Variants in PCDH15 observed in about 807,000 individuals in gnomAD.
PCDH15 encodes protocadherin-15.
A neutral mutation model predicts 178.5 loss-of-function variants in PCDH15; 129 were observed. The observed-to-expected ratio is 0.72, with a 90% CI of 0.63 to 0.84. The LOEUF is 0.84. Ranked by LOEUF, PCDH15 falls within the 40% of genes least tolerant of loss-of-function variation. PCDH15 has a pLI of 0.00. For missense variants in PCDH15, 2,230 were observed against 2,099.9 expected (o/e 1.06, Z -1.21); for synonymous variants, 800 against 732.0 (o/e 1.09, Z -1.50).
chr10:55,465,953 C>G lies in PCDH15; in HGVS notation c.-156+161672G>C, dbSNP rs79138677. Among the ~76,000 whole-genome samples the G allele has an allele frequency of 7.4e-3, 1,128 of 152,192 alleles. 17 individuals are homozygous for G. Among genetic ancestry groups the G allele is most frequent in the African/African-American group, 0.026 (1,075 of 41,522 alleles). On this transcript the variant is annotated intron_variant, in intron 2 of 5. Coordinates refer to the PCDH15 transcript ENST00000613346. The stretch of plus-strand genomic sequence containing the variant: ...TTTTCTGAGGGGAAAAAACTTGTCA[C>G]TGCTTTTACGATATCAGCGTCACTG...
intron 33 of PCDH15, among the ~76,000 whole-genome samples, chr10:53,819,798 A>G (rs937743488): frequency 6.6e-6 from 1 of 152,002 alleles, no homozygotes; most frequent in African/African-American, 2.4e-5. Context: ...AAGGTCTCAT[A>G]TAGAAGATAT....
intron 14 of PCDH15, among the ~76,000 whole-genome samples, chr10:54,136,739 C>G (rs908305975): frequency 6.6e-6 from 1 of 152,136 alleles, no homozygotes; most frequent in Non-Finnish European, 1.5e-5. Context: ...ACAAAGAGGA[C>G]TCTAGTCTCA....
At chr10:54,820,481 G>T (rs1180560024) in intron 3 of PCDH15, among the ~76,000 whole-genome samples, 2 of 152,004 alleles carry the variant, frequency 1.3e-5, no homozygotes, top group Non-Finnish European at 2.9e-5. Context: ...GTTGATCAAA[G>T]TTGGCCCTGC....
chr10:54,832,444 C>T (rs1309728724), intron 3 of PCDH15, among the ~76,000 whole-genome samples: 1 of 152,140 alleles, frequency 6.6e-6, no homozygotes, highest in Non-Finnish European at 1.5e-5. Flanking sequence ...AATGAAAACA[C>T]TAGATGTAGT....
intron 8 of PCDH15, among the ~76,000 whole-genome samples, chr10:54,245,776 A>G (rs907534220): frequency 6.6e-6 from 1 of 152,044 alleles, no homozygotes; most frequent in Non-Finnish European, 1.5e-5. Flanking sequence ...TAGGTTTGAC[A>G]ATATGTATAG....
intron 25 of PCDH15, among the ~76,000 whole-genome samples, chr10:53,926,155 A>G (rs912412428): frequency 2.0e-5 from 3 of 152,114 alleles, no homozygotes; most frequent in Non-Finnish European, 4.4e-5. Context: ...CACTGGCCCA[A>G]TCCTAGTTCT....
At chr10:54,582,210 T>C (rs1444347667) in intron 2 of PCDH15, among the ~76,000 whole-genome samples, 1 of 152,206 alleles carries the variant, frequency 6.6e-6, no homozygotes, top group East Asian at 1.9e-4. Context: ...ACCCAGAATC[T>C]ATAAAAAACT....
chr10:54,969,635 G>T (rs1838882395), intron 2 of PCDH15, among the ~76,000 whole-genome samples: 1 of 152,102 alleles, frequency 6.6e-6, no homozygotes, highest in South Asian at 2.1e-4. Context: ...AGCTGCCTTA[G>T]ACTTACCAGT....
intron 1 of PCDH15, among the ~76,000 whole-genome samples, chr10:55,251,495 CATAAGT>C (rs1324587962): frequency 6.6e-6 from 1 of 152,054 alleles, no homozygotes; most frequent in Admixed American, 6.6e-5. Flanking sequence ...ATTCATTCAG[CATAAGT>C]ATGTGTGTCA....
intron 2 of PCDH15, among the ~76,000 whole-genome samples, chr10:55,052,368 G>T (rs1236535830): frequency 2.6e-5 from 4 of 151,402 alleles, no homozygotes; most frequent in South Asian, 2.1e-4. Flanking sequence ...TATTACAGGC[G>T]TGAGCCACCG....
intron 2 of PCDH15, among the ~76,000 whole-genome samples, chr10:54,946,483 G>A (rs776282889): frequency 6.6e-6 from 1 of 151,440 alleles, no homozygotes; most frequent in African/African-American, 2.4e-5. Flanking sequence ...ACACCCTAAC[G>A]TTTTATTTTT....
At chr10:55,410,843 C>T (rs937834578) in intron 2 of PCDH15, among the ~76,000 whole-genome samples, 2 of 151,992 alleles carry the variant, frequency 1.3e-5, no homozygotes, top group Non-Finnish European at 2.9e-5. Flanking sequence ...ATGTTCAAGC[C>T]GGTGTTTGCG....
At chr10:54,325,589 A>T (rs562141106) in intron 7 of PCDH15, among the ~76,000 whole-genome samples, 2 of 152,104 alleles carry the variant, frequency 1.3e-5, no homozygotes, top group Non-Finnish European at 2.9e-5. Flanking sequence ...TTTCTACTAC[A>T]CATCCAAAAA....
intron 2 of PCDH15, among the ~76,000 whole-genome samples, chr10:55,430,696 C>A (rs1838862043): frequency 2.6e-5 from 4 of 152,062 alleles, no homozygotes; most frequent in Admixed American, 2.6e-4. Context: ...GCATAAGAAA[C>A]ACAAAGAATA....
At chr10:54,054,758 A>G (rs1797847404) in intron 18 of PCDH15, among the ~76,000 whole-genome samples, 2 of 152,164 alleles carry the variant, frequency 1.3e-5, no homozygotes, top group Non-Finnish European at 2.9e-5. Context: ...GTAGATTTCT[A>G]TTGTAAATAT....
chr10:55,356,415 C>T (rs1339035694), intron 2 of PCDH15, among the ~76,000 whole-genome samples: 4 of 151,654 alleles, frequency 2.6e-5, no homozygotes, highest in African/African-American at 9.7e-5. Flanking sequence ...TATGACTTGC[C>T]ACTGAGGAGC....
intron 3 of PCDH15, among the ~76,000 whole-genome samples, chr10:54,484,842 T>C (rs2078986270): frequency 6.6e-6 from 1 of 151,908 alleles, no homozygotes; most frequent in African/African-American, 2.4e-5. Flanking sequence ...TTAACTGTAT[T>C]CATAATGAAC....
In PCDH15 at chr10:54,329,621, C is replaced by T. The variant is rs766401854; in HGVS notation, c.680G>A (p.Arg227His). ...ATTAGCTTGGATTATGACAAAGTAG[C>T]GAGTCTTATCTTCATAGTTGAGCCT... ...RKRLNYEDKT[R>H]YFVIIQANDR... The change falls in exon 7 of 38, where the codon CGC becomes CAC. Residue 227 changes from arginine to histidine, a missense_variant. By Grantham distance (29) the Arg-to-His change is conservative (BLOSUM62 0). Transcript: ENST00000644397. 14 of 1,601,464 alleles carry T rather than the reference C, an allele frequency of 8.7e-6. No individual in the cohort carries two copies. The highest frequency in any genetic ancestry group is 2.2e-5 in the East Asian group (1 of 44,712).
intron 2 of PCDH15, among the ~76,000 whole-genome samples, chr10:54,984,053 A>T (rs1207139597): frequency 1.3e-5 from 2 of 152,172 alleles, no homozygotes; most frequent in African/African-American, 2.4e-5. Flanking sequence ...ATTAAAAGTA[A>T]AGGCTTTAGA....
Sources: allele counts gnomAD v4.1 joint callset (sites outside exome capture counted in the v4.1 genomes callset), GRCh38; gene constraint gnomAD v4.1.1; transcripts MANE v1.5; gene names NCBI Gene and HGNC (gene_info 2026-07-23, HGNC 2026-07-21).